KIF26B: variants seen among roughly 807,000 people sequenced by gnomAD.
KIF26B encodes the protein kinesin family member 26B.
Under a neutral mutation model 151.2 loss-of-function variants are expected in KIF26B, and 63 were observed. The observed-to-expected ratio is 0.42, with a 90% CI of 0.34 to 0.51. The LOEUF (loss-of-function observed/expected upper bound fraction) is 0.51, where lower values mean the gene tolerates loss of function less well. Among genes scored for constraint, KIF26B ranks in the 20% least tolerant of loss-of-function variants. The pLI, the probability that KIF26B is intolerant of heterozygous loss-of-function variation, is 0.07. For synonymous variants in KIF26B, 1,357 were observed against 1,262.1 expected, an observed-to-expected ratio of 1.08 and a Z score of -1.59; for missense variants, 2,813 against 2,913.6, an observed-to-expected ratio of 0.97 and a Z score of 0.79.
At chr1:245,216,068 A>T (rs1310808804) in intron 2 of KIF26B, 1 of 152,068 alleles carries the variant, frequency 6.6e-6, no homozygotes, top group Non-Finnish European at 1.5e-5. Flanking sequence ...TCTCTAAAAA[A>T]AAAATTAATT....
chr1:245,303,759 A>T lies in KIF26B; in HGVS notation c.466-63075A>T, dbSNP rs1181585002. On this transcript the variant is annotated intron_variant, in intron 2 of 14. Transcript: ENST00000407071. Reference sequence around the variant, plus strand: ...TTTAGAGCAAACACTGATAAAATATACATAAGGCACCCTAGCTGCACTGGG... The same window carrying T: ...TTTAGAGCAAACACTGATAAAATATTCATAAGGCACCCTAGCTGCACTGGG... 2.0e-5 allele frequency among the ~76,000 whole-genome samples: 3 copies of T among 152,252 alleles called. 1 individual carries two copies. The highest frequency in any genetic ancestry group is 2.0e-4 in the Admixed American group (3 of 15,288).
chr1:245,611,661 C>T (rs930014929), intron 8 of KIF26B, 132 bp from the exon 9 acceptor site: 15 of 786,428 alleles, frequency 1.9e-5, no homozygotes, highest in African/African-American at 5.2e-5. Context: ...GAAGGGTTTT[C>T]AGCCTTAGAG....
chr1:245,616,254 G>A (rs748343379), intron 9 of KIF26B, among the ~76,000 whole-genome samples: 2 of 152,206 alleles, frequency 1.3e-5, no homozygotes, highest in African/African-American at 4.8e-5. Flanking sequence ...ATATCTCCCT[G>A]TTTAAAAGCT....
chr1:245,291,003 G>T (rs538982414), intron 2 of KIF26B, among the ~76,000 whole-genome samples: 1 of 152,346 alleles, frequency 6.6e-6, no homozygotes, highest in East Asian at 1.9e-4. Context: ...GTAGGCCTCA[G>T]CTGGGGGTGT....
chr1:245,315,214 G>T (rs1268509407), intron 2 of KIF26B, among the ~76,000 whole-genome samples: 1 of 149,424 alleles, frequency 6.7e-6, no homozygotes, highest in Admixed American at 6.7e-5. Flanking sequence ...AAATTATTTG[G>T]CTATAATCCC....
chr1:245,298,814 T>C (rs769660653), intron 2 of KIF26B, among the ~76,000 whole-genome samples: 5 of 152,146 alleles, frequency 3.3e-5, no homozygotes, highest in Non-Finnish European at 7.3e-5. Flanking sequence ...CCAGAAAACA[T>C]CAGGGATGAA....
intron 2 of KIF26B, among the ~76,000 whole-genome samples, chr1:245,186,918 G>A (rs998461820): frequency 6.6e-6 from 1 of 151,450 alleles, no homozygotes; most frequent in Non-Finnish European, 1.5e-5. Context: ...GTGCAATGGC[G>A]CGATCTTGGC....
intron 9 of KIF26B, among the ~76,000 whole-genome samples, chr1:245,614,312 A>T (rs552754867): frequency 6.6e-6 from 1 of 152,184 alleles, no homozygotes; most frequent in South Asian, 2.1e-4. Context: ...GTAGCTGGGA[A>T]TACAGGTGCC....
At chr1:245,625,989 T>A (rs1355634034) in intron 9 of KIF26B, among the ~76,000 whole-genome samples, 1 of 152,238 alleles carries the variant, frequency 6.6e-6, no homozygotes, top group East Asian at 1.9e-4. Context: ...GATTTGAGTT[T>A]TTGTATAACT....
chr1:245,409,876 C>T (rs1252067987), intron 3 of KIF26B, among the ~76,000 whole-genome samples: 2 of 152,158 alleles, frequency 1.3e-5, no homozygotes, highest in African/African-American at 2.4e-5. Context: ...TCTCTGCAGA[C>T]AGCATGCCAA....
chr1:245,404,058 A>G (rs1448432362), intron 3 of KIF26B, among the ~76,000 whole-genome samples: 1 of 152,186 alleles, frequency 6.6e-6, no homozygotes, highest in Non-Finnish European at 1.5e-5. Flanking sequence ...GAAACACTGC[A>G]GACTTCAAAG....
intron 10 of KIF26B, among the ~76,000 whole-genome samples, chr1:245,652,111 TGTG>T (rs1217319821): frequency 1.6e-5 from 1 of 61,346 alleles, no homozygotes; most frequent in East Asian, 5.0e-4. Flanking sequence ...TCTGTGTGTG[TGTG>T]TGTGTGTGTG....
rs2103072731 is a variant in KIF26B at position 245,488,613 on chromosome 1, A to G, written c.1167-52154A>G. ...GAATTAGATCGGAGCCACAGATGCT[A>G]TCACTCCTCTGCCGTGGCCCCATCC... is the stretch of plus-strand genomic sequence containing the variant. On this transcript the variant is annotated intron_variant, in intron 4 of 14. Transcript: ENST00000407071. This position sits in a 1 kb window ranked among gnomAD's most constrained non-coding sequence, Gnocchi z 4.6. Among the ~76,000 whole-genome samples the G allele has an allele frequency of 6.6e-6, 1 of 152,180 alleles. No homozygotes were observed. The highest frequency in any genetic ancestry group is 1.9e-4 in the East Asian group (1 of 5,194).
intron 5 of KIF26B, among the ~76,000 whole-genome samples, chr1:245,582,962 C>T (rs2043190545): frequency 6.6e-6 from 1 of 152,164 alleles, no homozygotes; most frequent in African/African-American, 2.4e-5. Context: ...CTCCATCCCC[C>T]ACTCTCTCTC....
intron 2 of KIF26B, among the ~76,000 whole-genome samples, chr1:245,188,516 A>G (rs1010906735): frequency 2.0e-5 from 3 of 152,126 alleles, no homozygotes; most frequent in Non-Finnish European, 4.4e-5. Flanking sequence ...TGCTTTGCAA[A>G]CTGATGACGA....
chr1:245,203,101 G>A (rs186901788), intron 2 of KIF26B, among the ~76,000 whole-genome samples: 2 of 151,696 alleles, frequency 1.3e-5, no homozygotes, highest in Admixed American at 1.3e-4. Context: ...ACAAAAATTA[G>A]CCAGGCATGG....
chr1:245,474,878 G>A (rs559419423), intron 4 of KIF26B, among the ~76,000 whole-genome samples: 6 of 151,896 alleles, frequency 4.0e-5, no homozygotes, highest in South Asian at 2.1e-4. Flanking sequence ...GAGTGAGAAC[G>A]TGTGATATTT....
chr1:245,299,755 G>A (rs182952602), intron 2 of KIF26B, among the ~76,000 whole-genome samples: 1 of 152,282 alleles, frequency 6.6e-6, no homozygotes, highest in East Asian at 1.9e-4. Flanking sequence ...CCGTTCTGCT[G>A]TACCAGCTGG....
intron 4 of KIF26B, among the ~76,000 whole-genome samples, chr1:245,476,820 C>A (rs150759377): frequency 3.4e-4 from 51 of 151,886 alleles, no homozygotes; most frequent in Admixed American, 5.9e-4. Flanking sequence ...GCCACCGCAC[C>A]TGGCCACCCC....
Sources: gnomAD v4.1 joint callset for allele counts (sites outside exome capture counted in the v4.1 genomes callset) on GRCh38, gnomAD v4.1.1 for gene constraint, Gnocchi (gnomAD v3.1) non-coding constraint, MANE v1.5 for transcripts, NCBI Gene and HGNC (gene_info 2026-07-23, HGNC 2026-07-21) for gene names.